TNKS: variants seen among roughly 807,000 people sequenced by gnomAD.
TNKS encodes tankyrase.
A neutral mutation model predicts 135.8 loss-of-function variants in TNKS; 72 were observed. The ratio of observed to expected loss-of-function variants is 0.53; its 90% CI spans 0.44 to 0.64. The LOEUF (loss-of-function observed/expected upper bound fraction) is 0.64, where lower values mean the gene tolerates loss of function less well. TNKS is among the 30% of genes least tolerant of loss of function. TNKS has a pLI of 0.00. For synonymous variants in TNKS, 849 were observed against 649.3 expected (o/e 1.31, Z -4.68); for missense variants, 1,769 against 1,674.0 (o/e 1.06, Z -0.99).
At chr8:9,757,416 C>T (rs143412758) in intron 20 of TNKS, among the ~76,000 whole-genome samples, 7 of 152,276 alleles carry the variant, frequency 4.6e-5, no homozygotes, top group Non-Finnish European at 7.4e-5. Flanking sequence ...TACTTAAGGT[C>T]CCTCAAATAC....
intron 2 of TNKS, among the ~76,000 whole-genome samples, chr8:9,598,964 C>G (rs922883243): frequency 1.3e-5 from 2 of 151,248 alleles, no homozygotes; most frequent in African/African-American, 2.4e-5. Flanking sequence ...ATGTTTATCC[C>G]TTCTTCTGTC....
chr8:9,576,355 GGGTGGGA>G (rs1407157280), intron 1 of TNKS, among the ~76,000 whole-genome samples: 1 of 152,102 alleles, frequency 6.6e-6, no homozygotes, highest in Admixed American at 6.6e-5. Flanking sequence ...CAGGAAACAT[GGGTGGGA>G]GGAGGCCTCA....
At chr8:9,691,053 A>C (rs915129363) in intron 5 of TNKS, among the ~76,000 whole-genome samples, 3 of 152,178 alleles carry the variant, frequency 2.0e-5, no homozygotes, top group Non-Finnish European at 2.9e-5. Context: ...TTAGTGCTCA[A>C]TTTAGGGTGT....
chr8:9,712,911 C>G (rs1303479982), intron 11 of TNKS, among the ~76,000 whole-genome samples: 1 of 152,050 alleles, frequency 6.6e-6, no homozygotes, highest in Non-Finnish European at 1.5e-5. Flanking sequence ...ATCATGAAAT[C>G]TTTTTAAATT....
At chr8:9,571,336 C>T (rs535350958) in intron 1 of TNKS, among the ~76,000 whole-genome samples, 6 of 152,286 alleles carry the variant, frequency 3.9e-5, no homozygotes, top group Admixed American at 2.0e-4. Context: ...CTTTGGTAAT[C>T]GTCTTAGTCT....
intron 3 of TNKS, among the ~76,000 whole-genome samples, chr8:9,656,269 G>A (rs1366481549): frequency 6.6e-6 from 1 of 152,226 alleles, no homozygotes; most frequent in Non-Finnish European, 1.5e-5. Flanking sequence ...CCTGATTGGT[G>A]TACCTGAAAG....
At chr8:9,692,220 C>T (rs58618443) in intron 5 of TNKS, among the ~76,000 whole-genome samples, 490 of 152,272 alleles carry the variant, frequency 3.2e-3, no homozygotes, top group African/African-American at 0.011. Context: ...AAGCAGTCCC[C>T]GGTGCCTGTT....
At chr8:9,706,000 A>G (rs998673030) in intron 6 of TNKS, among the ~76,000 whole-genome samples, 187 bp from the exon 7 acceptor site, 2 of 152,186 alleles carry the variant, frequency 1.3e-5, no homozygotes, top group Non-Finnish European at 2.9e-5. Flanking sequence ...GATTATATAC[A>G]AAAAACAAGA....
intron 3 of TNKS, among the ~76,000 whole-genome samples, chr8:9,658,089 T>C (rs368026497): frequency 9.9e-5 from 8 of 81,124 alleles, no homozygotes; most frequent in African/African-American, 4.0e-4. Context: ...TGATGGCGGC[T>C]GGGAAGAGGC....
intron 3 of TNKS, among the ~76,000 whole-genome samples, chr8:9,668,540 A>C (rs1802111793): frequency 6.6e-6 from 1 of 152,250 alleles, no homozygotes; most frequent in Non-Finnish European, 1.5e-5. Context: ...ATTAAGACTC[A>C]GAATAAGCAA....
chr8:9,765,348 T>G (rs1362952428), intron 23 of TNKS, among the ~76,000 whole-genome samples: 3 of 152,054 alleles, frequency 2.0e-5, no homozygotes, highest in Non-Finnish European at 2.9e-5. Flanking sequence ...CCCAGGGAAC[T>G]TTTTTAAAAA....
chr8:9,744,368 C>T (rs1051898654), intron 17 of TNKS, among the ~76,000 whole-genome samples: 13 of 152,036 alleles, frequency 8.6e-5, no homozygotes, highest in African/African-American at 2.9e-4. Context: ...TTTTATTTTC[C>T]AGTGCTTTCT....
chr8:9,575,709 C>G (rs1797921001), intron 1 of TNKS, among the ~76,000 whole-genome samples: 1 of 151,872 alleles, frequency 6.6e-6, no homozygotes, highest in Admixed American at 6.6e-5. Flanking sequence ...GACAAATAGC[C>G]CAAAAGAAAA....
chr8:9,562,569 A>T (rs975705287), intron 1 of TNKS, among the ~76,000 whole-genome samples: 2 of 152,138 alleles, frequency 1.3e-5, no homozygotes, highest in African/African-American at 4.8e-5. Context: ...AAGTGTGTCT[A>T]TTATAGACAG....
Position 9,616,202 on chromosome 8 carries a change from T to A in TNKS, c.994+525T>A, listed in dbSNP as rs758032038. Among the ~76,000 whole-genome samples the A allele has an allele frequency of 3.8e-4, 58 of 152,304 alleles. 1 individual carries two copies. Among genetic ancestry groups the A allele is most frequent in the Admixed American group, 2.0e-3 (30 of 15,298 alleles). ...TTAACTGAGGCGTTTATTATCTTTT[T>A]ACTTCAGATAATGCAAATTTGTGGC... On this transcript the variant is annotated intron_variant, in intron 3 of 26. Transcript: ENST00000310430.
intron 2 of TNKS, among the ~76,000 whole-genome samples, chr8:9,595,032 T>G (rs968208696): frequency 2.0e-5 from 3 of 152,230 alleles, no homozygotes; most frequent in Non-Finnish European, 4.4e-5. Flanking sequence ...TCTGATTCAC[T>G]TGGTTTTGTT....
intron 5 of TNKS, among the ~76,000 whole-genome samples, chr8:9,698,118 G>A (rs1408506978): frequency 6.6e-6 from 1 of 152,156 alleles, no homozygotes; most frequent in Non-Finnish European, 1.5e-5. Context: ...AATGGAGCCA[G>A]AGGCCATTAA....
rs767180979 is a variant in TNKS, at chr8:9,733,471, A to G, written c.2313+27A>G. 31 of 1,577,180 alleles carry G rather than the reference A, an allele frequency of 2.0e-5. No individual in the cohort carries two copies. In the South Asian group the frequency reaches 2.6e-4, roughly 13 times the overall value. On this transcript the variant is annotated intron_variant, in intron 15 of 26. Transcript: ENST00000310430. The stretch of plus-strand genomic sequence containing the variant: ...TATGTAGTTTAAAAAGTTATGAAAT[A>G]TAACTAATTTTATTTATATTTTGGT...
intron 1 of TNKS, among the ~76,000 whole-genome samples, chr8:9,569,022 G>C (rs1040822417): frequency 2.0e-5 from 3 of 152,094 alleles, no homozygotes; most frequent in African/African-American, 7.2e-5. Context: ...ATTTTACTTT[G>C]TAATAAAAAT....
Sources: allele counts gnomAD v4.1 joint callset (sites outside exome capture counted in the v4.1 genomes callset), GRCh38; gene constraint gnomAD v4.1.1; transcripts MANE v1.5; gene names NCBI Gene and HGNC (gene_info 2026-07-23, HGNC 2026-07-21).